EYS: variants seen among roughly 807,000 people sequenced by gnomAD.
The protein encoded by EYS is EGF-like photoreceptor maintenance factor.
EYS carries 250 observed loss-of-function variants against 282.1 expected under a neutral mutation model. That is an observed-to-expected ratio of 0.89 (90% confidence interval 0.80 to 0.98). EYS has a LOEUF of 0.98. Ranked by LOEUF, EYS falls within the 50% of genes least tolerant of loss-of-function variation. EYS has a pLI of 0.00. For synonymous variants in EYS, 1,355 were observed against 1,282.9 expected, an observed-to-expected ratio of 1.06 and a Z score of -1.20; for missense variants, 4,016 against 3,709.0, an observed-to-expected ratio of 1.08 and a Z score of -2.15.
intron 18 of EYS, among the ~76,000 whole-genome samples, chr6:64,899,342 C>T (rs951938967): frequency 4.6e-5 from 7 of 152,046 alleles, no homozygotes; most frequent in Non-Finnish European, 8.8e-5. Context: ...TGACCTCCTC[C>T]TGAATGACTA....
intron 33 of EYS, among the ~76,000 whole-genome samples, chr6:64,045,131 T>C (rs962986077): frequency 2.6e-5 from 4 of 152,168 alleles, no homozygotes; most frequent in African/African-American, 9.6e-5. Context: ...CAGCAGCTAC[T>C]GGGGTCAGAG....
chr6:64,009,114 T>G (rs1488654366), intron 33 of EYS, among the ~76,000 whole-genome samples: 1 of 152,196 alleles, frequency 6.6e-6, no homozygotes, highest in Non-Finnish European at 1.5e-5. Context: ...GAGTTGTAGA[T>G]TTGGTCTTTA....
intron 2 of EYS, among the ~76,000 whole-genome samples, chr6:65,531,293 A>T (rs7775434): frequency 0.42 from 63,538 of 151,986 alleles, 14,158 homozygotes; most frequent in African/African-American, 0.58. Flanking sequence ...ACCTATGTTA[A>T]CATCATTGTA....
intron 6 of EYS, among the ~76,000 whole-genome samples, chr6:65,402,983 A>C (rs529997528): frequency 6.6e-6 from 1 of 152,202 alleles, no homozygotes; most frequent in South Asian, 2.1e-4. Context: ...CACATGGAGA[A>C]ATCATGTTTA....
chr6:64,993,142 G>A (rs1183093947), intron 14 of EYS, among the ~76,000 whole-genome samples: 2 of 151,608 alleles, frequency 1.3e-5, no homozygotes, highest in Admixed American at 1.3e-4. Flanking sequence ...TCCACCTCCA[G>A]TGTTTACTCA....
At chr6:65,147,656 C>A (rs79921972) in intron 12 of EYS, among the ~76,000 whole-genome samples, 4,523 of 151,978 alleles carry the variant, frequency 0.03, 93 homozygotes, top group African/African-American at 0.058. Flanking sequence ...TAAATTTGTC[C>A]CTTCTAAATA....
intron 26 of EYS, among the ~76,000 whole-genome samples, chr6:64,498,452 T>C (rs1776951147): frequency 6.6e-6 from 1 of 151,716 alleles, no homozygotes; most frequent in South Asian, 2.1e-4. Flanking sequence ...CTTTTAGCTC[T>C]TATATACTCA....
At chr6:65,448,206 T>G (rs958989798) in intron 5 of EYS, among the ~76,000 whole-genome samples, 2 of 152,032 alleles carry the variant, frequency 1.3e-5, no homozygotes, top group Non-Finnish European at 2.9e-5. Context: ...CTTTTCCAAG[T>G]GCCTCCATCA....
In EYS at chr6:63,721,295, C is replaced by T; in HGVS notation, c.8736G>A (p.Gln2912=). The T allele has an allele frequency of 6.4e-7, 1 of 1,551,956 alleles. No homozygotes were observed. The highest frequency in any genetic ancestry group is 8.7e-7 in the Non-Finnish European group (1 of 1,147,000). Residue 2912 remains glutamine (Q), a synonymous_variant, in exon 43 of 43, where the codon CAG becomes CAA. Coordinates refer to ENST00000503581, the MANE Select transcript of EYS (RefSeq NM_001142800.2). ...LPDWAGNTCN[Q]SVSCLNNLCL... ...AAAGATTATTCAAACAGGACACAGA[C>T]TGGTTACATGTATTTCCAGCCCAAT...
At chr6:64,676,409 T>C (rs1211322555) in intron 22 of EYS, among the ~76,000 whole-genome samples, 3 of 149,982 alleles carry the variant, frequency 2.0e-5, no homozygotes, top group Non-Finnish European at 4.4e-5. Context: ...GCATTATAGG[T>C]ACTCAAAAAT....
At chr6:63,899,552 C>G (rs556920610) in intron 35 of EYS, among the ~76,000 whole-genome samples, 2 of 152,224 alleles carry the variant, frequency 1.3e-5, no homozygotes, top group African/African-American at 4.8e-5. Flanking sequence ...ACTGTTCCCC[C>G]ACTAATGCCA....
intron 28 of EYS, among the ~76,000 whole-genome samples, chr6:64,390,120 C>T (rs1356230568): frequency 6.6e-6 from 1 of 152,110 alleles, no homozygotes; most frequent in South Asian, 2.1e-4. Flanking sequence ...CTCCGAGGGT[C>T]CTACGCCCAC....
chr6:64,372,957 C>T (rs1279750402), intron 29 of EYS, among the ~76,000 whole-genome samples: 2 of 152,156 alleles, frequency 1.3e-5, no homozygotes, highest in Admixed American at 1.3e-4. Flanking sequence ...TGTCTACCAG[C>T]TCCTATACTG....
intron 12 of EYS, among the ~76,000 whole-genome samples, chr6:65,109,068 T>C (rs1225448577): frequency 1.3e-5 from 2 of 152,074 alleles, no homozygotes; most frequent in Non-Finnish European, 2.9e-5. Flanking sequence ...AGATTTCCTA[T>C]TACTCTGCTG....
At chr6:64,114,402 T>C (rs1773308627) in intron 31 of EYS, among the ~76,000 whole-genome samples, 1 of 152,202 alleles carries the variant, frequency 6.6e-6, no homozygotes, top group African/African-American at 2.4e-5. Context: ...AGTAGAAGAC[T>C]CCAGGCTTCA....
chr6:65,667,627 C>T (rs559932828), intron 1 of EYS, among the ~76,000 whole-genome samples: 2 of 151,950 alleles, frequency 1.3e-5, no homozygotes, highest in South Asian at 4.1e-4. Context: ...AGTCACATTA[C>T]TCTTGTAGCA....
intron 12 of EYS, among the ~76,000 whole-genome samples, chr6:65,226,688 C>T (rs1461026409): frequency 1.3e-5 from 2 of 152,134 alleles, no homozygotes; most frequent in South Asian, 2.1e-4. Context: ...TATGAAATAG[C>T]GAGACCGCTG....
At chr6:63,948,312 T>C (rs1765459080) in intron 35 of EYS, among the ~76,000 whole-genome samples, 1 of 152,234 alleles carries the variant, frequency 6.6e-6, no homozygotes, top group South Asian at 2.1e-4. Flanking sequence ...TCAATCTCAA[T>C]TGCTTTCTCA....
In EYS at chr6:64,912,543, CTGCAAGGGTTA is replaced by C; in HGVS notation, c.2571_2581del (p.His857GlnfsTer19). ...CAAAGCTAAGCATGTTGAGTTGTTT[CTGCAAGGGTTA>C]TGAAGTAGGTCACAAAGGTTATAGC... On this transcript the variant is annotated frameshift_variant, in exon 16 of 43. Coordinates refer to ENST00000503581, the MANE Select transcript of EYS (RefSeq NM_001142800.2). LOFTEE classifies it high-confidence loss of function. 1 of 1,551,276 alleles carries C rather than the reference CTGCAAGGGTTA, an allele frequency of 6.4e-7. No individual in the cohort carries two copies.
Sources: allele counts gnomAD v4.1 joint callset (sites outside exome capture counted in the v4.1 genomes callset), GRCh38; gene constraint gnomAD v4.1.1; transcripts MANE v1.5; gene names NCBI Gene and HGNC (gene_info 2026-07-23, HGNC 2026-07-21).